HERC1: variants seen among roughly 807,000 people sequenced by gnomAD.
The protein encoded by HERC1 is probable E3 ubiquitin-protein ligase HERC1.
A neutral mutation model predicts 554.3 loss-of-function variants in HERC1; 160 were observed. That is an observed-to-expected ratio of 0.29 (90% confidence interval 0.25 to 0.33). The LOEUF (loss-of-function observed/expected upper bound fraction) is 0.33. Among genes scored for constraint, HERC1 ranks in the 10% least tolerant of loss-of-function variants. HERC1 has a pLI of 1.00. For synonymous variants in HERC1, 2,175 were observed against 2,131.7 expected, an observed-to-expected ratio of 1.02 and a Z score of -0.56; for missense variants, 4,919 against 5,918.5, an observed-to-expected ratio of 0.83 and a Z score of 5.54.
rs1248648794 is a variant in HERC1, at chr15:63,829,539, ATGTATGTGTGTGTG to A, written c.-27+4274_-27+4287del. ...ATATAAATAATATGTGTGCACATAT[ATGTATGTGTGTGTG>A]TGTGTGTGTATATATATATATATAT... On this transcript the variant is annotated intron_variant, in intron 1 of 77. Transcript: ENST00000443617. Among the ~76,000 whole-genome samples, 8 of 64,676 alleles carry A rather than the reference ATGTATGTGTGTGTG, an allele frequency of 1.2e-4. 1 individual carries two copies. Among genetic ancestry groups the A allele is most frequent in the African/African-American group, 4.1e-4 (8 of 19,356 alleles). 42.4% of individuals were successfully genotyped at this position (64,676 alleles called of 152,430 possible). A position where few individuals can be genotyped will look rare whatever the true frequency, so the allele number is the denominator to read the frequency against.
chr15:63,666,897 G>C (rs1055077774), intron 40 of HERC1, among the ~76,000 whole-genome samples: 2 of 152,164 alleles, frequency 1.3e-5, no homozygotes, highest in African/African-American at 4.8e-5. Flanking sequence ...TCATGTTTCA[G>C]CTCTCATGTG....
chr15:63,706,365 G>A (rs1293670344), intron 25 of HERC1, among the ~76,000 whole-genome samples: 2 of 152,084 alleles, frequency 1.3e-5, no homozygotes, highest in African/African-American at 2.4e-5. Flanking sequence ...GTGTGTACAC[G>A]TGTACGGGGT....
At chr15:63,619,987 A>G (rs937542082) in intron 74 of HERC1, among the ~76,000 whole-genome samples, 13 of 151,814 alleles carry the variant, frequency 8.6e-5, no homozygotes, top group African/African-American at 1.7e-4. Flanking sequence ...TTGTGTCTCT[A>G]TCTCCTTCAG....
chr15:63,711,525 A>G (rs1350874997), intron 24 of HERC1, among the ~76,000 whole-genome samples: 1 of 152,222 alleles, frequency 6.6e-6, no homozygotes, highest in East Asian at 1.9e-4. Context: ...AATGAAACGT[A>G]AAGACACTGT....
At chr15:63,723,031 A>G (rs2073887529) in intron 19 of HERC1, 151 bp downstream of exon 19, 1 of 487,270 alleles carries the variant, frequency 2.1e-6, no homozygotes. Flanking sequence ...CCACAAAGGG[A>G]AAAACAAATT....
Position 63,664,477 on chromosome 15 carries a change from T to G in HERC1, c.8673A>C (p.Ala2891=). The change falls in exon 43 of 78, where the codon GCA becomes GCC. Residue 2891 remains alanine (A), a synonymous_variant. Coordinates refer to ENST00000443617, the MANE Select transcript of HERC1 (RefSeq NM_003922.4). The part of the protein sequence containing the change: ...KFDLAARTLL[A]RAAGLYRSVQ... ...TACGGAACATAAAATTACCTGCTCT[T>G]GCTAGCAGTGTGCGAGCAGCTAAGT... 1.2e-6 allele frequency: 2 copies of G among 1,613,314 alleles called. No homozygotes were observed. Among genetic ancestry groups the G allele is most frequent in the East Asian group, 2.2e-5 (1 of 44,856 alleles).
intron 1 of HERC1, among the ~76,000 whole-genome samples, chr15:63,793,963 T>C (rs2076732768): frequency 6.6e-6 from 1 of 152,028 alleles, no homozygotes; most frequent in Non-Finnish European, 1.5e-5. Context: ...ATAAAACAGG[T>C]TACAGTAAAG....
chr15:63,751,028 A>G (rs1259299065), intron 8 of HERC1, among the ~76,000 whole-genome samples: 1 of 152,210 alleles, frequency 6.6e-6, no homozygotes, highest in Non-Finnish European at 1.5e-5. Context: ...TACATAAGGC[A>G]TATTTTAGGA....
chr15:63,768,414 T>C (rs1596201709), intron 2 of HERC1, among the ~76,000 whole-genome samples: 1 of 152,194 alleles, frequency 6.6e-6, no homozygotes, highest in Non-Finnish European at 1.5e-5. Flanking sequence ...CAGACTCAGG[T>C]ATGGAATCAT....
At chr15:63,695,998 T>G (rs1311497381) in intron 27 of HERC1, 126 bp downstream of exon 27, 7 of 666,786 alleles carry the variant, frequency 1.0e-5, no homozygotes, top group African/African-American at 7.2e-5. Context: ...ACCAAGGAGC[T>G]ATCTTAAAAA....
Position 63,692,313 on chromosome 15 carries a change from C to G in HERC1, c.5830+98G>C, listed in dbSNP as rs562271038. The G allele has an allele frequency of 3.6e-4, 309 of 869,216 alleles. 1 individual carries two copies. In the African/African-American group the frequency reaches 4.6e-3, roughly 13 times the overall value. The allele number at this position is 869,216 out of a possible 1,614,324, so 53.8% of individuals were successfully genotyped here. On this transcript the variant is annotated intron_variant, in intron 31 of 77. Transcript: ENST00000443617. The surrounding 1 kb of genome is among the most constrained non-coding windows in gnomAD (Gnocchi z 4.7). ...AAATAAGAAAGAAAAGCCTTCAAAT[C>G]AAGGTTACACATGGAGTGTTGCTAA... is the stretch of plus-strand genomic sequence containing the variant.
In HERC1 at chr15:63,754,556, C is replaced by A. The variant is rs2075358388; in HGVS notation, c.1723G>T (p.Ala575Ser). The A allele has an allele frequency of 6.2e-7, 1 of 1,613,538 alleles. No individual in the cohort carries two copies. The highest frequency in any genetic ancestry group is 2.2e-5 in the East Asian group (1 of 44,828). The change falls in exon 7 of 78, where the codon GCT becomes TCT. Residue 575 changes from alanine (A) to serine (S), a missense_variant. Ala to Ser is a moderately conservative substitution (Grantham distance 99). Transcript: ENST00000443617. ...ACAGTTCTCCCATCTTTAGACAGAG[C>A]AATAGTATGTGAACTGCCACAAGAA... ...EVSCGSSHTI[A>S]LSKDGRTVWS...
rs896078662 is a variant in HERC1 at position 63,729,585 on chromosome 15, T to C, written c.2933A>G (p.Glu978Gly). The change falls in exon 15 of 78, where the codon GAA (glutamate) becomes GGA (glycine). Residue 978 changes from glutamate (E) to glycine (G), a missense_variant. Coordinates refer to ENST00000443617, the MANE Select transcript of HERC1 (RefSeq NM_003922.4). ...DKFLLGTSSS[E>G]NSQPAHLHEL... ...ATGAAGATGAGCAGGCTGACTGTTT[T>C]CTGATGATGATGTTCCAAGTAGAAA... The C allele has an allele frequency of 6.2e-7, 1 of 1,613,742 alleles. No individual in the cohort carries two copies. The highest frequency in any genetic ancestry group is 1.3e-5 in the African/African-American group (1 of 74,922).
chr15:63,703,954 C>T (rs1212081874), intron 25 of HERC1, among the ~76,000 whole-genome samples: 1 of 151,546 alleles, frequency 6.6e-6, no homozygotes, highest in Admixed American at 6.6e-5. Context: ...AGAATTCTCA[C>T]TTGGCTGGAC....
chr15:63,739,553 T>C (rs558896629), intron 12 of HERC1, among the ~76,000 whole-genome samples: 66 of 152,024 alleles, frequency 4.3e-4, no homozygotes, highest in African/African-American at 1.5e-3. Context: ...AATGGAGTTA[T>C]ACAGGCCGAG....
intron 74 of HERC1, among the ~76,000 whole-genome samples, chr15:63,621,819 G>A (rs968577602): frequency 1.3e-5 from 2 of 151,978 alleles, no homozygotes; most frequent in African/African-American, 4.8e-5. Context: ...CGTAGTTTTC[G>A]TGCCACGGTT....
chr15:63,660,669 T>G (rs2070308693), intron 46 of HERC1, among the ~76,000 whole-genome samples: 2 of 152,156 alleles, frequency 1.3e-5, no homozygotes, highest in Non-Finnish European at 1.5e-5. Flanking sequence ...ATTTTTTACT[T>G]TCCACAATTA....
At chr15:63,800,616 C>T (rs1231552282) in intron 1 of HERC1, among the ~76,000 whole-genome samples, 1 of 152,172 alleles carries the variant, frequency 6.6e-6, no homozygotes, top group Non-Finnish European at 1.5e-5. Flanking sequence ...TAGGTCTCTC[C>T]CAAAATGTTC....
In HERC1 at chr15:63,625,934, C is replaced by G. The variant is rs1010465639; in HGVS notation, c.13275+51G>C. 1.9e-6 allele frequency: 3 copies of G among 1,564,458 alleles called. No homozygotes were observed. The African/African-American group carries it at 4.1e-5, about 21-fold the overall frequency. On this transcript the variant is annotated intron_variant, in intron 71 of 77. Coordinates refer to ENST00000443617, the MANE Select transcript of HERC1 (RefSeq NM_003922.4). The stretch of plus-strand genomic sequence containing the variant: ...GGGCCTGGCGAGCATGTCACGGGCA[C>G]TGCTTACCAAGCCAGTCTGTGCCTG...
Sources: gnomAD v4.1 joint callset for allele counts (sites outside exome capture counted in the v4.1 genomes callset) on GRCh38, gnomAD v4.1.1 for gene constraint, Gnocchi (gnomAD v3.1) non-coding constraint, MANE v1.5 for transcripts, NCBI Gene and HGNC (gene_info 2026-07-23, HGNC 2026-07-21) for gene names.